The following HEMK2 variants were observed in gnomAD, a reference collection of about 807,000 sequenced individuals.
The protein encoded by HEMK2 is HemK methyltransferase 2, ETF1 glutamine and histone H4 lysine, also known as methyltransferase HEMK2.
chr21:28,694,629 T>TG, the HEMK2 span, among the ~76,000 whole-genome samples: 3 of 113,418 alleles, frequency 2.6e-5, no homozygotes, highest in African/African-American at 1.1e-4. Context: ...CCCTCCTCTA[T>TG]TTTTTTTTGT....
At chr21:28,812,998 T>G in the HEMK2 span, among the ~76,000 whole-genome samples, 1 of 152,202 alleles carries the variant, frequency 6.6e-6, no homozygotes, top group East Asian at 1.9e-4. Context: ...TTATCATTTT[T>G]TATTGTGTCT....
the HEMK2 span, among the ~76,000 whole-genome samples, chr21:28,841,243 TA>T: frequency 7.4e-4 from 4 of 5,380 alleles, no homozygotes; most frequent in African/African-American, 4.4e-3. Flanking sequence ...TATATTTATA[TA>T]TATAATATAT....
the HEMK2 span, among the ~76,000 whole-genome samples, chr21:28,763,120 C>A: frequency 1.3e-5 from 2 of 152,114 alleles, no homozygotes; most frequent in African/African-American, 4.8e-5. Context: ...ATGGGACACC[C>A]TTGCTATGTA....
the HEMK2 span, among the ~76,000 whole-genome samples, chr21:28,668,913 A>G: frequency 1.3e-5 from 2 of 152,212 alleles, no homozygotes. Context: ...CAATAATCCC[A>G]TCATACACCA....
chr21:28,700,256 G>A, the HEMK2 span, among the ~76,000 whole-genome samples: 1 of 151,936 alleles, frequency 6.6e-6, no homozygotes, highest in Non-Finnish European at 1.5e-5. Context: ...CCTCTATTAT[G>A]ACAACTGTCC....
the HEMK2 span, among the ~76,000 whole-genome samples, chr21:28,625,071 A>T: frequency 1.3e-5 from 2 of 152,202 alleles, no homozygotes; most frequent in Non-Finnish European, 2.9e-5. Context: ...GCCTTTTACA[A>T]ATTGCTAAGT....
chr21:28,752,577 A>G, the HEMK2 span, among the ~76,000 whole-genome samples: 26 of 152,286 alleles, frequency 1.7e-4, no homozygotes, highest in East Asian at 2.1e-3. Flanking sequence ...AATCTCACCT[A>G]AAGACAGACC....
the HEMK2 span, among the ~76,000 whole-genome samples, chr21:28,617,916 T>C: frequency 6.6e-6 from 1 of 151,942 alleles, no homozygotes; most frequent in African/African-American, 2.4e-5. Context: ...CCCTCCTGAG[T>C]AGCTGGGACT....
the HEMK2 span, among the ~76,000 whole-genome samples, chr21:28,682,855 G>C: frequency 1.3e-5 from 2 of 152,102 alleles, no homozygotes; most frequent in Non-Finnish European, 2.9e-5. Flanking sequence ...TGAACAATGA[G>C]AACACATGGA....
At chr21:28,660,082 T>G in the HEMK2 span, among the ~76,000 whole-genome samples, 1 of 152,006 alleles carries the variant, frequency 6.6e-6, no homozygotes, top group Non-Finnish European at 1.5e-5. Flanking sequence ...TTGTTCATGG[T>G]ATTATTTTTA....
chr21:28,658,297 G>A, the HEMK2 span, among the ~76,000 whole-genome samples: 1 of 152,058 alleles, frequency 6.6e-6, no homozygotes, highest in African/African-American at 2.4e-5. Context: ...AGTTTGGTTA[G>A]AGGCTACTTC....
At chr21:28,752,078 G>T in the HEMK2 span, among the ~76,000 whole-genome samples, 1 of 152,200 alleles carries the variant, frequency 6.6e-6, no homozygotes, top group Non-Finnish European at 1.5e-5. Flanking sequence ...TTAGTCTCTG[G>T]TTCCCACTTA....
At chr21:28,830,970 A>C in the HEMK2 span, among the ~76,000 whole-genome samples, 9 of 152,190 alleles carry the variant, frequency 5.9e-5, 2 homozygotes, top group African/African-American at 2.2e-4. Flanking sequence ...ATCTGTAGAA[A>C]ATTTTTTAAA....
the HEMK2 span, among the ~76,000 whole-genome samples, chr21:28,599,277 T>C: frequency 6.6e-6 from 1 of 152,156 alleles, no homozygotes; most frequent in Non-Finnish European, 1.5e-5. Flanking sequence ...TGTAATTTAT[T>C]AAGAAAAAGA....
At chr21:28,860,168 G>T in the HEMK2 span, among the ~76,000 whole-genome samples, 1 of 152,136 alleles carries the variant, frequency 6.6e-6, no homozygotes, top group African/African-American at 2.4e-5. Context: ...TGAGTCACTG[G>T]GCTGGGAAAG....
At chr21:28,598,508 T>C in the HEMK2 span, among the ~76,000 whole-genome samples, 5 of 152,196 alleles carry the variant, frequency 3.3e-5, no homozygotes, top group African/African-American at 9.6e-5. Flanking sequence ...AGCACAACCA[T>C]GCAACTCCCC....
At chr21:28,791,463 A>G in the HEMK2 span, among the ~76,000 whole-genome samples, 1 of 152,202 alleles carries the variant, frequency 6.6e-6, no homozygotes, top group African/African-American at 2.4e-5. Context: ...AAAAATAAAC[A>G]TAATTCAAAA....
At chr21:28,854,009 C>T in the HEMK2 span, among the ~76,000 whole-genome samples, 9 of 152,082 alleles carry the variant, frequency 5.9e-5, no homozygotes, top group African/African-American at 1.9e-4. Flanking sequence ...AGCTCTTTCT[C>T]GACAGGAGAT....
At chr21:28,710,229 G>A in the HEMK2 span, among the ~76,000 whole-genome samples, 1 of 152,110 alleles carries the variant, frequency 6.6e-6, no homozygotes, top group Non-Finnish European at 1.5e-5. Context: ...AACACGAAGT[G>A]GTTAGAAGCA....
Sources: allele counts gnomAD v4.1 joint callset (sites outside exome capture counted in the v4.1 genomes callset), GRCh38; gene constraint gnomAD v4.1.1; transcripts MANE v1.5; gene names NCBI Gene and HGNC (gene_info 2026-07-23, HGNC 2026-07-21).